The following ORC5 variants were observed in gnomAD, a reference collection of about 807,000 sequenced individuals.
ORC5 encodes the protein protein phosphatase 1, regulatory subunit 117.
ORC5 carries 39 observed loss-of-function variants against 58.8 expected under a neutral mutation model. The ratio of observed to expected loss-of-function variants is 0.66; its 90% CI spans 0.51 to 0.87. The LOEUF (loss-of-function observed/expected upper bound fraction) is 0.87. Ranked by LOEUF, ORC5 falls within the 40% of genes least tolerant of loss-of-function variation. ORC5 has a pLI of 0.00. For missense variants in ORC5, 493 were observed against 506.3 expected (o/e 0.97, Z 0.25); for synonymous variants, 218 against 177.6 (o/e 1.23, Z -1.81).
intron 2 of ORC5, 75 bp downstream of exon 2, chr7:104,204,067 T>G: frequency 1.4e-6 from 1 of 716,150 alleles, no homozygotes; most frequent in Non-Finnish European, 2.3e-6. Context: ...TTTGCATTTG[T>G]GGAGATTCAC....
intron 12 of ORC5, among the ~76,000 whole-genome samples, chr7:104,137,653 C>T (rs1032118020): frequency 2.0e-5 from 3 of 152,066 alleles, no homozygotes; most frequent in African/African-American, 7.2e-5. Context: ...GGCTGGACAT[C>T]GAGAGCAACA....
In ORC5 at chr7:104,179,941, T is replaced by C. The variant is rs28533927; in HGVS notation, c.824+4002A>G. Among the ~76,000 whole-genome samples the C allele has an allele frequency of 6.9e-3, 1,055 of 152,340 alleles. 11 individuals carry two copies. The highest frequency in any genetic ancestry group is 0.024 in the African/African-American group (1,005 of 41,580). On this transcript the variant is annotated intron_variant, in intron 8 of 13. Coordinates refer to ENST00000297431, the MANE Select transcript of ORC5 (RefSeq NM_002553.4). ...TCCTGTCACTTTTTTCCTCTGATTA[T>C]AACTCTGCTGTTAAAGTCTAACTCT...
At chr7:104,193,326 G>A (rs971254693) in intron 5 of ORC5, among the ~76,000 whole-genome samples, 3 of 151,958 alleles carry the variant, frequency 2.0e-5, no homozygotes, top group Non-Finnish European at 2.9e-5. Flanking sequence ...TTCTTAGGTA[G>A]GAAACTGTAA....
At chr7:104,184,382 A>G (rs1799499361) in intron 6 of ORC5, 1 of 535,804 alleles carries the variant, frequency 1.9e-6, no homozygotes, top group African/African-American at 1.9e-5. Flanking sequence ...CAGGAGATCA[A>G]GCCTGTAGTG....
At chr7:104,162,019 A>G (rs1799033721) in intron 11 of ORC5, among the ~76,000 whole-genome samples, 1 of 152,220 alleles carries the variant, frequency 6.6e-6, no homozygotes, top group South Asian at 2.1e-4. Flanking sequence ...TAAATAAGCC[A>G]GCAGCCTAAA....
At chr7:104,188,811 C>A (rs1016929109) in intron 5 of ORC5, among the ~76,000 whole-genome samples, 4 of 151,988 alleles carry the variant, frequency 2.6e-5, no homozygotes, top group Admixed American at 6.6e-5. Context: ...AGGCAGACTT[C>A]CCCCTAGCTG....
rs773424082 is a variant in ORC5, at chr7:104,200,817, CAA to C, written c.305_306del (p.Phe102CysfsTer5). ...TEITCETFND[F>X]VRLFKQVTTA... ...GTGGTTACTTGTTTAAACAAGCGAA[CAA>C]AGTCATTAAATGTTTCACAGGTTAT... On this transcript the variant is annotated frameshift_variant, in exon 3 of 14. Coordinates refer to ENST00000297431, the MANE Select transcript of ORC5 (RefSeq NM_002553.4). LOFTEE classifies it high-confidence loss of function. 7 of 1,612,856 alleles carry C rather than the reference CAA, an allele frequency of 4.3e-6. No individual in the cohort carries two copies. Among genetic ancestry groups the C allele is most frequent in the Non-Finnish European group, 5.9e-6 (7 of 1,179,092 alleles).
At chr7:104,158,206 AT>A (rs1479307950) in intron 12 of ORC5, among the ~76,000 whole-genome samples, 1 of 152,142 alleles carries the variant, frequency 6.6e-6, no homozygotes, top group African/African-American at 2.4e-5. Flanking sequence ...CAGAAGCACT[AT>A]CTAGCATTCA....
chr7:104,185,250 T>A (rs1204967959), intron 6 of ORC5, among the ~76,000 whole-genome samples: 1 of 152,092 alleles, frequency 6.6e-6, no homozygotes, highest in African/African-American at 2.4e-5. Flanking sequence ...AAATTAAATT[T>A]AAAATTAAAT....
intron 12 of ORC5, among the ~76,000 whole-genome samples, chr7:104,148,318 G>A (rs1005292705): frequency 6.6e-6 from 1 of 152,144 alleles, no homozygotes; most frequent in Non-Finnish European, 1.5e-5. Context: ...AGGAGCTATA[G>A]AATACAAAGA....
chr7:104,202,346 A>G, intron 2 of ORC5: 1 of 215,220 alleles, frequency 4.6e-6, no homozygotes. Flanking sequence ...TTCTCTGAAT[A>G]ACAGTGTCAC....
At chr7:104,193,124 G>A (rs1011091338) in intron 5 of ORC5, among the ~76,000 whole-genome samples, 9 of 151,978 alleles carry the variant, frequency 5.9e-5, no homozygotes, top group Non-Finnish European at 1.0e-4. Flanking sequence ...ACAGACTTAA[G>A]AACTCAACAA....
chr7:104,195,782 G>A (rs929308411), intron 4 of ORC5, among the ~76,000 whole-genome samples: 2 of 152,072 alleles, frequency 1.3e-5, no homozygotes, highest in African/African-American at 4.8e-5. Context: ...AATTGTTTTT[G>A]CTATAAAAAT....
At chr7:104,181,642 T>C (rs1584509508) in intron 8 of ORC5, among the ~76,000 whole-genome samples, 1 of 150,774 alleles carries the variant, frequency 6.6e-6, no homozygotes, top group South Asian at 2.1e-4. Context: ...AAAAAAAAAA[T>C]TTAGCCAGGT....
chr7:104,207,163 A>C (rs916964468), intron 1 of ORC5, among the ~76,000 whole-genome samples: 3 of 152,200 alleles, frequency 2.0e-5, no homozygotes, highest in Non-Finnish European at 4.4e-5. Context: ...ATCAAAAAGC[A>C]CATCAAAGAC....
At chr7:104,155,435 A>C (rs1448952019) in intron 12 of ORC5, among the ~76,000 whole-genome samples, 1 of 151,562 alleles carries the variant, frequency 6.6e-6, no homozygotes, top group Non-Finnish European at 1.5e-5. Context: ...TTTAAAAAGA[A>C]CTATGCTCCT....
chr7:104,157,300 C>A (rs1798942433), intron 12 of ORC5, among the ~76,000 whole-genome samples: 1 of 151,970 alleles, frequency 6.6e-6, no homozygotes, highest in Non-Finnish European at 1.5e-5. Flanking sequence ...GAACTAGTTG[C>A]ATCTATCTCT....
At chr7:104,170,110 T>C (rs1245485610) in intron 8 of ORC5, among the ~76,000 whole-genome samples, 1 of 152,236 alleles carries the variant, frequency 6.6e-6, no homozygotes, top group Non-Finnish European at 1.5e-5. Context: ...TACACTTCCT[T>C]TCTCCTTGAG....
chr7:104,203,399 T>C (rs536269420), intron 2 of ORC5, among the ~76,000 whole-genome samples: 3 of 152,142 alleles, frequency 2.0e-5, no homozygotes, highest in Admixed American at 1.3e-4. Context: ...AAGCACAAAA[T>C]GTTAGTTATC....
Sources: gnomAD v4.1 joint callset for allele counts (sites outside exome capture counted in the v4.1 genomes callset) on GRCh38, gnomAD v4.1.1 for gene constraint, MANE v1.5 for transcripts, NCBI Gene and HGNC (gene_info 2026-07-23, HGNC 2026-07-21) for gene names.